Variants in RHEX observed in about 807,000 individuals in gnomAD.
RHEX encodes regulator of hemoglobinization and erythroid cell expansion.
In RHEX, 18 loss-of-function variants were observed where a neutral mutation model predicts 20.1. The observed-to-expected ratio is 0.90, with a 90% CI of 0.62 to 1.33. The LOEUF (loss-of-function observed/expected upper bound fraction) is 1.33, where lower values mean the gene tolerates loss of function less well. Ranked by LOEUF, RHEX falls within the 40% of genes most tolerant of loss-of-function variation. The pLI, the probability that RHEX is intolerant of heterozygous loss-of-function variation, is 0.00. For missense variants in RHEX, 192 were observed against 214.3 expected, an observed-to-expected ratio of 0.90 and a Z score of 0.65; for synonymous variants, 87 against 77.1, an observed-to-expected ratio of 1.13 and a Z score of -0.67.
chr1:206,071,939 C>T (rs1407332143), intron 1 of RHEX, among the ~76,000 whole-genome samples: 3 of 151,996 alleles, frequency 2.0e-5, no homozygotes, highest in African/African-American at 7.3e-5. Flanking sequence ...GGATTATTTC[C>T]CATTGGTCAG....
chr1:206,058,318 C>T (rs568810919), intron 1 of RHEX, among the ~76,000 whole-genome samples: 56 of 152,252 alleles, frequency 3.7e-4, no homozygotes, highest in Admixed American at 9.8e-4. Context: ...AATGCTTCAG[C>T]ACAAGCATAC....
At chr1:206,055,485 A>T (rs901371580) in intron 1 of RHEX, among the ~76,000 whole-genome samples, 15 of 152,264 alleles carry the variant, frequency 9.9e-5, no homozygotes, top group East Asian at 1.9e-4. Context: ...AGGAAAAAAA[A>T]AATAATAAGA....
chr1:206,102,366 T>C lies in RHEX; in HGVS notation c.*414T>C, dbSNP rs534729427. On this transcript the variant is annotated 3_prime_UTR_variant, in exon 6 of 6. Transcript: ENST00000331555. ...AGAGTTCTATTTGGCAATCTCATGG[T>C]TAAATGACTTCCCTTTGAGCTCTTT... 1 of 171,312 alleles carries C rather than the reference T, an allele frequency of 5.8e-6. No homozygotes were observed. Among genetic ancestry groups the C allele is most frequent in the Non-Finnish European group, 1.3e-5 (1 of 79,122 alleles). The allele number at this position is 171,312 out of a possible 1,614,324, so 10.6% of individuals were successfully genotyped here.
In RHEX at chr1:206,067,021, GATAA is replaced by G. The variant is rs373222069; in HGVS notation, c.-97+13757_-97+13760del. Among the ~76,000 whole-genome samples the G allele has an allele frequency of 4.3e-4, 65 of 152,324 alleles. No individual in the cohort carries two copies. In the East Asian group the frequency reaches 0.011, roughly 27 times the overall value. On this transcript the variant is annotated intron_variant, in intron 1 of 5. Coordinates refer to ENST00000331555, the MANE Select transcript of RHEX (RefSeq NM_001007544.4). The surrounding 1 kb of genome is among the most constrained non-coding windows in gnomAD (Gnocchi z 4.6). ...CGCTCAGTTTTCATGGTGAACCTGT[GATAA>G]GGGAGTGGAGTCTGGCCACGGTGTC... is the stretch of plus-strand genomic sequence containing the variant.
chr1:206,098,233 C>G, intron 3 of RHEX, 52 bp downstream of exon 3: 1 of 1,334,670 alleles, frequency 7.5e-7, no homozygotes, highest in Non-Finnish European at 1.1e-6. Flanking sequence ...AGACCATTCT[C>G]GAGCCTCCAG....
At chr1:206,058,645 A>G (rs1662245581) in intron 1 of RHEX, among the ~76,000 whole-genome samples, 1 of 152,238 alleles carries the variant, frequency 6.6e-6, no homozygotes, top group Admixed American at 6.5e-5. Flanking sequence ...ATTGTATAGA[A>G]GAACATTGTG....
intron 1 of RHEX, among the ~76,000 whole-genome samples, chr1:206,090,624 T>A (rs1033604816): frequency 2.0e-4 from 31 of 152,296 alleles, no homozygotes; most frequent in African/African-American, 6.3e-4. Context: ...ATTAGAATTA[T>A]ATTAGGCCAA....
At chr1:206,073,974 G>A (rs1191920276) in intron 1 of RHEX, among the ~76,000 whole-genome samples, 5 of 152,088 alleles carry the variant, frequency 3.3e-5, no homozygotes, top group Admixed American at 6.6e-5. Flanking sequence ...AAGGGCCTCC[G>A]TAATCCGGCC....
chr1:206,072,689 C>T lies in RHEX; in HGVS notation c.-97+19424C>T, dbSNP rs139814276. On this transcript the variant is annotated intron_variant, in intron 1 of 5. Coordinates refer to ENST00000331555, the MANE Select transcript of RHEX (RefSeq NM_001007544.4). ...TATTAAAAACTCAATTTACTGAATT[C>T]CAGCATGTCCCCTGAAACACCACAA... Among the ~76,000 whole-genome samples the T allele has an allele frequency of 5.2e-3, 790 of 152,290 alleles. 5 individuals are homozygous for T. Among genetic ancestry groups the T allele is most frequent in the Non-Finnish European group, 8.1e-3 (551 of 68,022 alleles).
chr1:206,099,593 A>T, intron 3 of RHEX, 62 bp from the exon 4 acceptor site: 1 of 1,539,678 alleles, frequency 6.5e-7, no homozygotes, highest in South Asian at 1.2e-5. Context: ...TGCTGGGATT[A>T]CAGGCATGAG....
At chr1:206,059,516 C>T (rs1179836425) in intron 1 of RHEX, among the ~76,000 whole-genome samples, 1 of 152,198 alleles carries the variant, frequency 6.6e-6, no homozygotes, top group African/African-American at 2.4e-5. Flanking sequence ...GCACAGCCAG[C>T]TCCCCAAGAC....
chr1:206,089,223 G>A (rs1553286702), intron 1 of RHEX, among the ~76,000 whole-genome samples: 4 of 150,330 alleles, frequency 2.7e-5, no homozygotes, highest in African/African-American at 9.8e-5. Flanking sequence ...AACATTTTTT[G>A]TAGAGAGGGG....
Position 206,075,957 on chromosome 1 carries a change from A to G in RHEX, c.-96-21776A>G, listed in dbSNP as rs1243024816. ...CTGTCTTGGCATTATTGCCCCAGAA[A>G]GACACTGACTACAGCTGATGAGACA... is the stretch of plus-strand genomic sequence containing the variant. On this transcript the variant is annotated intron_variant, in intron 1 of 5. Coordinates refer to ENST00000331555, the MANE Select transcript of RHEX (RefSeq NM_001007544.4). Among the ~76,000 whole-genome samples, 2 of 152,168 alleles carry G rather than the reference A, an allele frequency of 1.3e-5. 1 individual carries two copies. The highest frequency in any genetic ancestry group is 2.9e-5 in the Non-Finnish European group (2 of 68,030).
At chr1:206,085,919 C>T (rs1336135697) in intron 1 of RHEX, among the ~76,000 whole-genome samples, 1 of 152,144 alleles carries the variant, frequency 6.6e-6, no homozygotes, top group Non-Finnish European at 1.5e-5. Flanking sequence ...GAGCCCTAGC[C>T]TCATAACCAC....
intron 1 of RHEX, among the ~76,000 whole-genome samples, chr1:206,089,192 T>C (rs1439610126): frequency 1.3e-5 from 2 of 152,088 alleles, no homozygotes; most frequent in Non-Finnish European, 2.9e-5. Flanking sequence ...TTTTTTTTTT[T>C]CTAAATAGAA....
At chr1:206,053,731 T>C (rs572458344) in intron 1 of RHEX, among the ~76,000 whole-genome samples, 1 of 152,346 alleles carries the variant, frequency 6.6e-6, no homozygotes, top group East Asian at 1.9e-4. Flanking sequence ...GACAGGTCCC[T>C]TGTTTCAAAG....
At chr1:206,077,944 A>G (rs1402770843) in intron 1 of RHEX, among the ~76,000 whole-genome samples, 4 of 152,238 alleles carry the variant, frequency 2.6e-5, no homozygotes, top group South Asian at 4.1e-4. Flanking sequence ...GGTGATGCCA[A>G]ATAGCCAGAT....
intron 1 of RHEX, among the ~76,000 whole-genome samples, chr1:206,075,987 TTA>T (rs1553285183): frequency 1.3e-5 from 2 of 152,176 alleles, no homozygotes; most frequent in African/African-American, 4.8e-5. Context: ...GAGACAGCAC[TTA>T]TAGGAATTAA....
In RHEX at chr1:206,067,709, C is replaced by T. The variant is rs1662455474; in HGVS notation, c.-97+14444C>T. 6.6e-6 allele frequency among the ~76,000 whole-genome samples: 1 copy of T among 152,162 alleles called. No individual in the cohort carries two copies. The highest frequency in any genetic ancestry group is 2.4e-5 in the African/African-American group (1 of 41,440). ...CAGCACAACCTCATTCTGCACATAC[C>T]CCCTCCAGTACAACCCTAGAAAACT... On this transcript the variant is annotated intron_variant, in intron 1 of 5. Coordinates refer to ENST00000331555, the MANE Select transcript of RHEX (RefSeq NM_001007544.4). The surrounding 1 kb of genome is among the most constrained non-coding windows in gnomAD (Gnocchi z 4.6).
Sources: gnomAD v4.1 joint callset for allele counts (sites outside exome capture counted in the v4.1 genomes callset) on GRCh38, gnomAD v4.1.1 for gene constraint, Gnocchi (gnomAD v3.1) non-coding constraint, MANE v1.5 for transcripts, NCBI Gene and HGNC (gene_info 2026-07-23, HGNC 2026-07-21) for gene names.